The following RASGEF1A variants were observed in gnomAD, a reference collection of about 807,000 sequenced individuals.
RASGEF1A encodes RasGEF domain family member 1A.
Under a neutral mutation model 56.4 loss-of-function variants are expected in RASGEF1A, and 18 were observed. That is an observed-to-expected ratio of 0.32 (90% CI 0.22 to 0.47). The LOEUF (loss-of-function observed/expected upper bound fraction) is 0.47. Ranked by LOEUF, RASGEF1A falls within the 20% of genes least tolerant of loss-of-function variation. The probability of loss-of-function intolerance (pLI) is 1.00; values close to 1 mark genes in which losing one functional copy is unlikely to be tolerated. For missense variants in RASGEF1A, 422 were observed against 627.1 expected (o/e 0.67, Z 3.49); for synonymous variants, 245 against 242.6 (o/e 1.01, Z -0.09).
At chr10:43,203,998 AC>A (rs763563871) in intron 2 of RASGEF1A, among the ~76,000 whole-genome samples, 31 of 151,706 alleles carry the variant, frequency 2.0e-4, no homozygotes, top group Non-Finnish European at 4.1e-4. Flanking sequence ...GCACTCTCTG[AC>A]CAGCTCTGGG....
Position 43,200,931 on chromosome 10 carries a change from G to A in RASGEF1A, c.460-43C>T, listed in dbSNP as rs767243349. 5 of 1,543,026 alleles carry A rather than the reference G, an allele frequency of 3.2e-6. No homozygotes were observed. The South Asian group carries it at 5.6e-5, about 17-fold the overall frequency. On this transcript the variant is annotated intron_variant, in intron 4 of 12. Transcript: ENST00000395810. ...ATAAGGGTGCCAGCATGGGCTGGCA[G>A]CAAGGCCACCACCACTGTGGGTAGG... is the stretch of plus-strand genomic sequence containing the variant.
intron 1 of RASGEF1A, chr10:43,229,693 G>C (rs771139431): frequency 1.4e-6 from 2 of 1,443,852 alleles, no homozygotes; most frequent in South Asian, 2.7e-5. Context: ...GCCCGGTCCG[G>C]CGTCCAGCGA....
chr10:43,208,560 A>G, intron 1 of RASGEF1A: 1 of 985,628 alleles, frequency 1.0e-6, no homozygotes, highest in Non-Finnish European at 1.2e-6. Flanking sequence ...ACATGCTCAG[A>G]ATCCCTTTGG....
chr10:43,229,695 G>A, intron 1 of RASGEF1A: 4 of 1,441,374 alleles, frequency 2.8e-6, no homozygotes, highest in Middle Eastern at 1.9e-4. Context: ...CCGGTCCGGC[G>A]TCCAGCGAGC....
intron 1 of RASGEF1A, among the ~76,000 whole-genome samples, chr10:43,241,039 CAGA>C (rs1183662042): frequency 6.6e-6 from 1 of 152,112 alleles, no homozygotes; most frequent in African/African-American, 2.4e-5. Context: ...GAGAACTCGT[CAGA>C]AGAAGACCTG....
intron 1 of RASGEF1A, among the ~76,000 whole-genome samples, chr10:43,258,499 C>T (rs1836465803): frequency 6.6e-6 from 1 of 152,246 alleles, no homozygotes; most frequent in East Asian, 1.9e-4. Flanking sequence ...CTGCGCTTGA[C>T]ACCAGAGGAC....
Position 43,196,176 on chromosome 10 carries a change from C to G in RASGEF1A, c.*68G>C. On this transcript the variant is annotated 3_prime_UTR_variant, in exon 13 of 13. Transcript: ENST00000395810. The surrounding 1 kb of genome is among the most constrained non-coding windows in gnomAD (Gnocchi z 4.6). ...ACCAGTGAGGCCTCCTCATCTCAAC[C>G]CACATCAGTCAAAATTTAAACCCAG... 6.6e-7 allele frequency: 1 copy of G among 1,522,954 alleles called. No homozygotes were observed. The highest frequency in any genetic ancestry group is 9.1e-7 in the Non-Finnish European group (1 of 1,104,598). 94.3% of individuals were successfully genotyped at this position (1,522,954 alleles called of 1,614,324 possible). A position where few individuals can be genotyped will look rare whatever the true frequency, so the allele number is the denominator to read the frequency against.
intron 1 of RASGEF1A, among the ~76,000 whole-genome samples, chr10:43,262,167 G>A (rs1836540808): frequency 6.6e-6 from 1 of 152,146 alleles, no homozygotes; most frequent in Non-Finnish European, 1.5e-5. Context: ...GGCAGCCTTG[G>A]TGGGGGTGGG....
chr10:43,252,131 GC>G (rs1324316051), intron 1 of RASGEF1A, among the ~76,000 whole-genome samples: 3 of 152,214 alleles, frequency 2.0e-5, no homozygotes, highest in African/African-American at 4.8e-5. Flanking sequence ...CCTGGGGCAG[GC>G]CCCCAGAAGC....
intron 1 of RASGEF1A, among the ~76,000 whole-genome samples, chr10:43,239,966 A>C (rs1237669253): frequency 6.6e-6 from 1 of 152,250 alleles, no homozygotes; most frequent in East Asian, 1.9e-4. Context: ...GGGTTTTGAA[A>C]AACTGCAGTG....
At chr10:43,202,004 C>T in intron 3 of RASGEF1A, 59 bp from the exon 4 acceptor site, 2 of 1,490,584 alleles carry the variant, frequency 1.3e-6, no homozygotes, top group Non-Finnish European at 1.8e-6. Context: ...TACTAGATGG[C>T]AAATGGTGCA....
At chr10:43,197,926 G>C (rs986372563) in intron 10 of RASGEF1A, 78 bp downstream of exon 10, 1 of 1,320,474 alleles carries the variant, frequency 7.6e-7, no homozygotes, top group Non-Finnish European at 1.1e-6. Context: ...CACAGATCCC[G>C]ACCCAGGGCT....
intron 1 of RASGEF1A, chr10:43,207,699 C>T (rs1341181063): frequency 5.1e-6 from 5 of 985,336 alleles, no homozygotes; most frequent in Non-Finnish European, 4.8e-6. Flanking sequence ...AGGCCAGCAG[C>T]GGTGCCTCAC....
chr10:43,228,514 C>T (rs1235580265), intron 1 of RASGEF1A, among the ~76,000 whole-genome samples: 2 of 152,228 alleles, frequency 1.3e-5, no homozygotes, highest in Non-Finnish European at 2.9e-5. Context: ...CCCCACTCCC[C>T]TACTATGTGA....
In RASGEF1A at chr10:43,194,943, G is replaced by T; in HGVS notation, c.*1301C>A. 1 of 152,688 alleles carries T rather than the reference G, an allele frequency of 6.5e-6. No homozygotes were observed. Among genetic ancestry groups the T allele is most frequent in the Non-Finnish European group, 1.5e-5 (1 of 68,080 alleles). 9.5% of individuals were successfully genotyped at this position (152,688 alleles called of 1,614,324 possible). A position where few individuals can be genotyped will look rare whatever the true frequency, so the allele number is the denominator to read the frequency against. On this transcript the variant is annotated 3_prime_UTR_variant, in exon 13 of 13. Transcript: ENST00000395810. ...ACCCAGGACCAGAGGCATGGGCAGC[G>T]GGCCCAGGGCTGCCTCCTCCCCAGG...
At chr10:43,240,518 G>T (rs1401389511) in intron 1 of RASGEF1A, among the ~76,000 whole-genome samples, 2 of 152,054 alleles carry the variant, frequency 1.3e-5, no homozygotes, top group African/African-American at 4.8e-5. Flanking sequence ...ATCAATAAAG[G>T]AATACAAATT....
At chr10:43,215,338 A>G (rs1840121752) in intron 1 of RASGEF1A, among the ~76,000 whole-genome samples, 1 of 152,122 alleles carries the variant, frequency 6.6e-6, no homozygotes, top group Admixed American at 6.5e-5. Context: ...ACTCAACAAA[A>G]ACGGAGACTA....
intron 1 of RASGEF1A, among the ~76,000 whole-genome samples, chr10:43,229,421 C>T (rs891884736): frequency 2.6e-5 from 4 of 152,228 alleles, no homozygotes; most frequent in African/African-American, 9.6e-5. Flanking sequence ...CCGCGGGCCG[C>T]GCCGCGAAGG....
Position 43,200,781 on chromosome 10 carries a change from C to T in RASGEF1A, c.567G>A (p.Pro189=), listed in dbSNP as rs751239666. The T allele has an allele frequency of 1.2e-5, 19 of 1,613,790 alleles. No individual in the cohort carries two copies. The African/African-American group carries it at 1.7e-4, about 15-fold the overall frequency. ...LQELREKLRP[P]AVDKGPILKT... ...TGAGGATGGGCCCCTTGTCTACAGC[C>T]GGTGGCCGGAGCTTCTCTCGCAGTT... The change falls in exon 5 of 13, where the codon CCG becomes CCA. Residue 189 remains proline, a synonymous_variant. Coordinates refer to ENST00000395810, the MANE Select transcript of RASGEF1A (RefSeq NM_145313.4).
Sources: gnomAD v4.1 joint callset for allele counts (sites outside exome capture counted in the v4.1 genomes callset) on GRCh38, gnomAD v4.1.1 for gene constraint, Gnocchi (gnomAD v3.1) non-coding constraint, MANE v1.5 for transcripts, NCBI Gene and HGNC (gene_info 2026-07-23, HGNC 2026-07-21) for gene names.